The following DAB2IP variants were observed in gnomAD, a reference collection of about 807,000 sequenced individuals.
DAB2IP encodes DAB2 interacting protein, also known as disabled homolog 2-interacting protein.
Under a neutral mutation model 107.2 loss-of-function variants are expected in DAB2IP, and 28 were observed. The ratio of observed to expected loss-of-function variants is 0.26; its 90% CI spans 0.19 to 0.36. DAB2IP has a LOEUF of 0.36. DAB2IP is among the 10% of genes least tolerant of loss of function. The pLI is 1.00. For missense variants in DAB2IP, 1,400 were observed against 1,644.7 expected, an observed-to-expected ratio of 0.85 and a Z score of 2.57; for synonymous variants, 755 against 706.4, an observed-to-expected ratio of 1.07 and a Z score of -1.09.
intron 1 of DAB2IP, among the ~76,000 whole-genome samples, chr9:121,631,685 A>G (rs1378034401): frequency 6.6e-6 from 1 of 152,008 alleles, no homozygotes; most frequent in East Asian, 1.9e-4. Flanking sequence ...GCGTGGTGGC[A>G]TGTGCCTGTA....
chr9:121,659,995 C>T (rs925673336), intron 1 of DAB2IP, among the ~76,000 whole-genome samples: 18 of 151,790 alleles, frequency 1.2e-4, no homozygotes, highest in African/African-American at 4.4e-4. Flanking sequence ...ATAGCCAGCC[C>T]CCGCCCTCGG....
In DAB2IP at chr9:121,751,437, T is replaced by C. The variant is rs568203081; in HGVS notation, c.363-5576T>C. 2.0e-5 allele frequency: 3 copies of C among 152,912 alleles called. No homozygotes were observed. The East Asian group carries it at 5.8e-4, about 30-fold the overall frequency. 9.5% of individuals were successfully genotyped at this position (152,912 alleles called of 1,614,324 possible). On this transcript the variant is annotated intron_variant, in intron 3 of 15. Transcript: ENST00000408936. ...TGAGCCGGGCTTAGGTAGCGTAGTG[T>C]GAGCTGTCTGTCTGGAGAGACCAGG...
At chr9:121,757,616 T>A (rs1401159219) in intron 4 of DAB2IP, among the ~76,000 whole-genome samples, 1 of 151,976 alleles carries the variant, frequency 6.6e-6, no homozygotes, top group African/African-American at 2.4e-5. Context: ...GACCTGAGGT[T>A]TGAATGCAGA....
intron 1 of DAB2IP, among the ~76,000 whole-genome samples, chr9:121,655,507 C>T (rs1231593702): frequency 1.3e-5 from 2 of 152,200 alleles, no homozygotes; most frequent in Non-Finnish European, 2.9e-5. Flanking sequence ...CCAGCCCTTG[C>T]CAAGCCCCCA....
intron 3 of DAB2IP, among the ~76,000 whole-genome samples, chr9:121,755,204 G>T (rs139234968): frequency 6.6e-6 from 1 of 152,350 alleles, no homozygotes; most frequent in East Asian, 1.9e-4. Flanking sequence ...AGGAGAAGAG[G>T]CCTGTTCCAA....
chr9:121,608,176 C>T (rs777614045), intron 1 of DAB2IP, among the ~76,000 whole-genome samples: 3 of 152,230 alleles, frequency 2.0e-5, no homozygotes, highest in Admixed American at 1.3e-4. Context: ...AGCCCTATGG[C>T]TCCATTATCT....
chr9:121,712,312 C>A (rs555593537), intron 3 of DAB2IP, among the ~76,000 whole-genome samples: 4 of 152,240 alleles, frequency 2.6e-5, no homozygotes, highest in Non-Finnish European at 5.9e-5. Context: ...TTTCTGTGGT[C>A]CCACTAACCC....
chr9:121,682,195 C>T (rs1410620020), intron 2 of DAB2IP, among the ~76,000 whole-genome samples: 2 of 152,192 alleles, frequency 1.3e-5, no homozygotes, highest in Admixed American at 6.5e-5. Context: ...CTCCCAAAAG[C>T]TATGTCCTCA....
chr9:121,581,251 G>T (rs1048829737), intron 1 of DAB2IP, among the ~76,000 whole-genome samples: 2 of 152,184 alleles, frequency 1.3e-5, no homozygotes, highest in Non-Finnish European at 1.5e-5. Flanking sequence ...AGCCAAGGGG[G>T]TAGTGGGGTT....
At chr9:121,665,427 A>G (rs367899022) in intron 1 of DAB2IP, among the ~76,000 whole-genome samples, 32 of 152,232 alleles carry the variant, frequency 2.1e-4, no homozygotes, top group Admixed American at 1.3e-4. Flanking sequence ...CAGTTAATGA[A>G]TGAAATGAAA....
chr9:121,613,822 C>T (rs1049984866), intron 1 of DAB2IP, among the ~76,000 whole-genome samples: 6 of 152,230 alleles, frequency 3.9e-5, no homozygotes, highest in Non-Finnish European at 8.8e-5. Flanking sequence ...GACCTATGCA[C>T]TTGTTGGAGA....
chr9:121,664,933 T>C (rs1833358266), intron 1 of DAB2IP, among the ~76,000 whole-genome samples: 1 of 152,244 alleles, frequency 6.6e-6, no homozygotes. Flanking sequence ...TACAGGATCT[T>C]ATATACAGTC....
intron 6 of DAB2IP, among the ~76,000 whole-genome samples, chr9:121,762,353 G>A (rs896059828): frequency 4.6e-5 from 7 of 152,152 alleles, no homozygotes; most frequent in East Asian, 3.9e-4. Flanking sequence ...AGTCCTGAGC[G>A]GGAGCCCTGG....
chr9:121,574,227 T>C (rs1830008866), intron 1 of DAB2IP, among the ~76,000 whole-genome samples: 1 of 152,222 alleles, frequency 6.6e-6, no homozygotes, highest in South Asian at 2.1e-4. Context: ...TGCTTAGGCC[T>C]GCCCTCCCTC....
At chr9:121,582,097 G>A (rs553737890) in intron 1 of DAB2IP, among the ~76,000 whole-genome samples, 5 of 152,344 alleles carry the variant, frequency 3.3e-5, no homozygotes, top group Non-Finnish European at 7.3e-5. Flanking sequence ...CTGCAGGGCT[G>A]GGGAAGGGGC....
At chr9:121,580,787 G>A (rs1039674860) in intron 1 of DAB2IP, among the ~76,000 whole-genome samples, 5 of 152,166 alleles carry the variant, frequency 3.3e-5, no homozygotes, top group Admixed American at 2.0e-4. Context: ...ACCACGCCCA[G>A]CTAATTTTTT....
intron 3 of DAB2IP, among the ~76,000 whole-genome samples, chr9:121,730,740 T>C (rs1280826685): frequency 6.6e-6 from 1 of 152,196 alleles, no homozygotes; most frequent in African/African-American, 2.4e-5. Flanking sequence ...GCTGGCACTT[T>C]CTAGCTGTGT....
chr9:121,685,164 A>T (rs1828806614), intron 2 of DAB2IP, among the ~76,000 whole-genome samples: 1 of 151,970 alleles, frequency 6.6e-6, no homozygotes, highest in Non-Finnish European at 1.5e-5. Flanking sequence ...CACTCCCTCC[A>T]TCCCTGCCCT....
exon 16 of DAB2IP, chr9:121,783,735 A>T (rs1835820078): frequency 1.3e-6 from 1 of 779,164 alleles, no homozygotes. Flanking sequence ...CCAAGGACCC[A>T]GGCGCTGCAT....
Sources: gnomAD v4.1 joint callset for allele counts (sites outside exome capture counted in the v4.1 genomes callset) on GRCh38, gnomAD v4.1.1 for gene constraint, MANE v1.5 for transcripts, NCBI Gene and HGNC (gene_info 2026-07-23, HGNC 2026-07-21) for gene names.